Variants in ZCCHC2 observed in about 807,000 individuals in gnomAD.
ZCCHC2 encodes the protein zinc finger CCHC domain-containing protein 2.
In ZCCHC2, 39 loss-of-function variants were observed where a neutral mutation model predicts 103.6. The observed-to-expected ratio is 0.38, with a 90% CI of 0.29 to 0.49. ZCCHC2 has a LOEUF of 0.49. Among genes scored for constraint, ZCCHC2 ranks in the 20% least tolerant of loss-of-function variants. The probability of loss-of-function intolerance (pLI) is 0.96; values close to 1 mark genes in which losing one functional copy is unlikely to be tolerated. For missense variants in ZCCHC2, 1,483 were observed against 1,491.0 expected (o/e 0.99, Z 0.09); for synonymous variants, 687 against 608.9 (o/e 1.13, Z -1.89).
intron 1 of ZCCHC2, among the ~76,000 whole-genome samples, chr18:62,539,349 C>T (rs1915072144): frequency 6.6e-6 from 1 of 152,314 alleles, no homozygotes; most frequent in Non-Finnish European, 1.5e-5. Flanking sequence ...AAAAAGTACA[C>T]ATGCCGTTCC....
intron 5 of ZCCHC2, chr18:62,551,214 G>A (rs997706608): frequency 1.3e-5 from 2 of 152,134 alleles, no homozygotes; most frequent in African/African-American, 4.8e-5. Flanking sequence ...AGAGTAGAGG[G>A]GATGTAAAAT....
At chr18:62,568,761 C>A (rs1460119770) in intron 11 of ZCCHC2, among the ~76,000 whole-genome samples, 1 of 152,148 alleles carries the variant, frequency 6.6e-6, no homozygotes, top group Non-Finnish European at 1.5e-5. Flanking sequence ...TTCTCTTGAT[C>A]TTGGGTTGTT....
chr18:62,533,368 A>G (rs1227215520), intron 1 of ZCCHC2, among the ~76,000 whole-genome samples: 1 of 151,248 alleles, frequency 6.6e-6, no homozygotes, highest in Admixed American at 6.6e-5. Context: ...TCTACTAAAA[A>G]TACAAAAATT....
intron 1 of ZCCHC2, among the ~76,000 whole-genome samples, chr18:62,531,009 G>T (rs973138307): frequency 6.6e-6 from 1 of 151,642 alleles, no homozygotes; most frequent in Non-Finnish European, 1.5e-5. Context: ...TGTTGAATTG[G>T]CTTATTTTTA....
At chr18:62,571,513 T>A (rs561651688) in intron 12 of ZCCHC2, among the ~76,000 whole-genome samples, 8 of 152,302 alleles carry the variant, frequency 5.3e-5, no homozygotes, top group African/African-American at 1.9e-4. Flanking sequence ...AGAAAGTTGG[T>A]TATTTGACAG....
Position 62,576,642 on chromosome 18 carries a change from G to A in ZCCHC2, c.*63G>A. ...GGGGAGTCATGGGGTGTGGAGGGGAGGAAAGGAAAGGTATTTTGTTTCTTT... is the reference window on the plus strand; with the variant it reads ...GGGGAGTCATGGGGTGTGGAGGGGAAGAAAGGAAAGGTATTTTGTTTCTTT... On this transcript the variant is annotated 3_prime_UTR_variant, in exon 14 of 14. Transcript: ENST00000269499. The A allele has an allele frequency of 6.8e-7, 1 of 1,473,738 alleles. No individual in the cohort carries two copies. The highest frequency in any genetic ancestry group is 1.2e-5 in the South Asian group (1 of 84,250). The allele number at this position is 1,473,738 out of a possible 1,614,324, so 91.3% of individuals were successfully genotyped here.
chr18:62,546,580 G>A (rs906929695), intron 4 of ZCCHC2, among the ~76,000 whole-genome samples: 1 of 152,170 alleles, frequency 6.6e-6, no homozygotes, highest in East Asian at 1.9e-4. Context: ...GCCTTGAAAA[G>A]GGGGGTTCAG....
intron 12 of ZCCHC2, among the ~76,000 whole-genome samples, chr18:62,571,447 C>T (rs1053484102): frequency 6.6e-6 from 1 of 152,156 alleles, no homozygotes; most frequent in Non-Finnish European, 1.5e-5. Context: ...AGCTGTTTTT[C>T]TTGAATAAAC....
At position 62,574,697 on chromosome 18, in the gene ZCCHC2, A is replaced by C; in HGVS notation, c.2616A>C (p.Ala872=). 2.5e-5 allele frequency: 41 copies of C among 1,613,982 alleles called. No homozygotes were observed. Among genetic ancestry groups the C allele is most frequent in the Non-Finnish European group, 3.5e-5 (41 of 1,179,882 alleles). The change falls in exon 13 of 14, where the codon GCA becomes GCC. Residue 872 remains alanine, a synonymous_variant. Transcript: ENST00000269499. ...CCACGGACCCCATCACAAAATCTGC[A>C]TCCCAAGTGGTAGGACTCAATCAAA... ...VATTDPITKS[A]SQVVGLNQMV...
downstream of ZCCHC2, among the ~76,000 whole-genome samples, chr18:62,583,248 G>C (rs1283561032): frequency 6.6e-6 from 1 of 152,198 alleles, no homozygotes; most frequent in Admixed American, 6.5e-5. Context: ...ACTGATGAAC[G>C]ATATAGAAGC....
chr18:62,578,782 T>C (rs774164616), downstream of ZCCHC2, among the ~76,000 whole-genome samples: 24 of 152,180 alleles, frequency 1.6e-4, no homozygotes, highest in Non-Finnish European at 2.9e-5. Flanking sequence ...CCTTTTTGTT[T>C]TTGAGACGGG....
At position 62,541,569 on chromosome 18, in the gene ZCCHC2, A is replaced by T. The variant is rs560383344; in HGVS notation, c.1052-929A>T. 2.0e-5 allele frequency among the ~76,000 whole-genome samples: 3 copies of T among 151,208 alleles called. No homozygotes were observed. In the South Asian group the frequency reaches 6.3e-4, roughly 32 times the overall value. ...ATCCAACAGTGTACCCCCCACACCCATTCTGTTGAGTTACTTTCCTAACCT... is the reference window on the plus strand; with the variant it reads ...ATCCAACAGTGTACCCCCCACACCCTTTCTGTTGAGTTACTTTCCTAACCT... On this transcript the variant is annotated intron_variant, in intron 2 of 13. Coordinates refer to ENST00000269499, the MANE Select transcript of ZCCHC2 (RefSeq NM_017742.6).
At chr18:62,529,902 C>T (rs969441291) in intron 1 of ZCCHC2, among the ~76,000 whole-genome samples, 4 of 152,132 alleles carry the variant, frequency 2.6e-5, no homozygotes, top group African/African-American at 9.7e-5. Flanking sequence ...GTACTGAACA[C>T]GTACAGACTT....
intron 4 of ZCCHC2, 115 bp from the exon 5 acceptor site, chr18:62,550,233 T>C: frequency 2.6e-6 from 2 of 778,214 alleles, no homozygotes; most frequent in Non-Finnish European, 4.1e-6. Context: ...AACAAACTGC[T>C]TTTGGGAAAA....
Position 62,563,006 on chromosome 18 carries a change from TA to T in ZCCHC2, c.1551-2del. 6.2e-7 allele frequency: 1 copy of T among 1,603,206 alleles called. No individual in the cohort carries two copies. The highest frequency in any genetic ancestry group is 8.5e-7 in the Non-Finnish European group (1 of 1,171,110). On this transcript the variant is annotated splice_acceptor_variant, in intron 8 of 13. Transcript: ENST00000269499. LOFTEE classifies it high-confidence loss of function. ...CACACTTTCATAAACTTTTCTTTGG[TA>T]GCAATATTGGTACAAGTTGTTCTCC... is the stretch of plus-strand genomic sequence containing the variant.
Position 62,575,357 on chromosome 18 carries a change from C to T in ZCCHC2, c.3276C>T (p.Ser1092=), listed in dbSNP as rs1214400263. Residue 1092 remains serine, a synonymous_variant, in exon 13 of 14, where the codon AGC becomes AGT. Transcript: ENST00000269499. ...NGLVHDPVMG[S]QANYGMQQMA... is the part of the protein sequence containing the mutation. Reference sequence around the variant, plus strand: ...TGGTACATGACCCAGTCATGGGGAGCCAAGCCAACTATGGCATGCAGCAGA... The same window carrying T: ...TGGTACATGACCCAGTCATGGGGAGTCAAGCCAACTATGGCATGCAGCAGA... 1.9e-6 allele frequency: 3 copies of T among 1,613,896 alleles called. No homozygotes were observed. The highest frequency in any genetic ancestry group is 2.2e-5 in the East Asian group (1 of 44,878).
intron 1 of ZCCHC2, chr18:62,526,802 C>T (rs963447714): frequency 6.6e-6 from 1 of 151,900 alleles, no homozygotes; most frequent in Non-Finnish European, 1.5e-5. Context: ...CCGCCCCCGC[C>T]CTGCAAGATG....
intron 3 of ZCCHC2, among the ~76,000 whole-genome samples, chr18:62,543,048 G>A (rs1199024251): frequency 6.6e-6 from 1 of 152,244 alleles, no homozygotes; most frequent in East Asian, 1.9e-4. Flanking sequence ...GTGCTCCCAG[G>A]TGAAGACTTT....
At chr18:62,564,940 G>A (rs1916285089) in intron 10 of ZCCHC2, 62 bp from the exon 11 acceptor site, 5 of 1,207,250 alleles carry the variant, frequency 4.1e-6, no homozygotes, top group Non-Finnish European at 6.1e-6. Context: ...TATCAATACT[G>A]TACTGAATGT....
Sources: allele counts gnomAD v4.1 joint callset (sites outside exome capture counted in the v4.1 genomes callset), GRCh38; gene constraint gnomAD v4.1.1; transcripts MANE v1.5; gene names NCBI Gene and HGNC (gene_info 2026-07-23, HGNC 2026-07-21).